GABRG3: variants seen among roughly 807,000 people sequenced by gnomAD.
The protein encoded by GABRG3 is gamma-aminobutyric acid type A receptor subunit gamma3.
In GABRG3, 25 loss-of-function variants were observed where a neutral mutation model predicts 48.8. The ratio of observed to expected loss-of-function variants is 0.51; its 90% confidence interval spans 0.37 to 0.72. The LOEUF is 0.72. GABRG3 is among the 30% of genes least tolerant of loss of function. GABRG3 has a pLI of 0.00. For synonymous variants in GABRG3, 227 were observed against 217.6 expected (o/e 1.04, Z -0.38); for missense variants, 394 against 577.9 (o/e 0.68, Z 3.26).
chr15:27,453,253 T>C (rs1889163392), intron 5 of GABRG3, among the ~76,000 whole-genome samples: 1 of 152,158 alleles, frequency 6.6e-6, no homozygotes, highest in Admixed American at 6.5e-5. Flanking sequence ...ACACCTGGAA[T>C]TTCTAAGAGA....
At chr15:27,517,394 A>C (rs1465380109) in intron 6 of GABRG3, among the ~76,000 whole-genome samples, 1 of 152,250 alleles carries the variant, frequency 6.6e-6, no homozygotes, top group Non-Finnish European at 1.5e-5. Context: ...TGGGAAAGGC[A>C]GAGCCTCAGT....
chr15:27,159,536 A>G (rs965624945), intron 3 of GABRG3, among the ~76,000 whole-genome samples: 2 of 151,336 alleles, frequency 1.3e-5, no homozygotes, highest in African/African-American at 2.4e-5. Flanking sequence ...TTCATTTTCC[A>G]TTCTTTAAGG....
chr15:27,082,931 C>A (rs985180163), intron 3 of GABRG3, among the ~76,000 whole-genome samples: 2 of 152,182 alleles, frequency 1.3e-5, no homozygotes, highest in African/African-American at 2.4e-5. Context: ...CTCCCTGCAT[C>A]TTGGCTTCTA....
At chr15:27,369,721 G>A (rs1426841237) in intron 5 of GABRG3, among the ~76,000 whole-genome samples, 7 of 149,582 alleles carry the variant, frequency 4.7e-5, no homozygotes, top group Non-Finnish European at 1.0e-4. Flanking sequence ...GCAGGAGAAT[G>A]GCGTGAACCC....
At chr15:27,157,842 C>A (rs1898473300) in intron 3 of GABRG3, 1 of 152,202 alleles carries the variant, frequency 6.6e-6, no homozygotes, top group South Asian at 2.1e-4. Context: ...GATAGCAGCT[C>A]CCCAAATGTC....
At chr15:27,088,462 C>T (rs540608000) in intron 3 of GABRG3, among the ~76,000 whole-genome samples, 4 of 152,208 alleles carry the variant, frequency 2.6e-5, no homozygotes, top group East Asian at 1.9e-4. Context: ...GGCTGTGTGC[C>T]GGGCAGGCTG....
chr15:27,329,037 G>A (rs1893716808), intron 5 of GABRG3, 149 bp downstream of exon 5: 2 of 705,394 alleles, frequency 2.8e-6, no homozygotes, highest in African/African-American at 1.8e-5. Context: ...CCACCTGGGT[G>A]TTTTCACTCT....
intron 3 of GABRG3, among the ~76,000 whole-genome samples, chr15:27,061,943 T>C (rs1222832516): frequency 6.6e-6 from 1 of 152,190 alleles, no homozygotes; most frequent in Non-Finnish European, 1.5e-5. Context: ...GAACAGTTCC[T>C]ATGACTAACA....
intron 3 of GABRG3, among the ~76,000 whole-genome samples, chr15:27,153,977 A>G (rs1043163512): frequency 6.6e-6 from 1 of 152,220 alleles, no homozygotes; most frequent in Non-Finnish European, 1.5e-5. Flanking sequence ...AGTAACAGGA[A>G]GTGAGGTAAA....
intron 3 of GABRG3, among the ~76,000 whole-genome samples, chr15:27,267,797 T>G (rs1733614509): frequency 6.6e-6 from 1 of 152,200 alleles, no homozygotes; most frequent in South Asian, 2.1e-4. Context: ...TATGCTTTCC[T>G]TTTTTAGTTT....
At chr15:27,167,877 T>A (rs1053095717) in intron 3 of GABRG3, among the ~76,000 whole-genome samples, 2 of 152,054 alleles carry the variant, frequency 1.3e-5, no homozygotes, top group Admixed American at 6.5e-5. Context: ...ATCAAGGCGA[T>A]CACTGGTACT....
chr15:27,298,301 C>A lies in GABRG3; in HGVS notation c.271-28508C>A, dbSNP rs564868783. 9.2e-5 allele frequency among the ~76,000 whole-genome samples: 14 copies of A among 152,164 alleles called. No individual in the cohort carries two copies. In the South Asian group the frequency reaches 2.9e-3, roughly 32 times the overall value. ...TGTGTAAACCAGAGAGTATCTGAAG[C>A]AGGTCTCAATCAGTTTAGAAGTTTA... On this transcript the variant is annotated intron_variant, in intron 3 of 9. Coordinates refer to ENST00000615808, the MANE Select transcript of GABRG3 (RefSeq NM_033223.5).
chr15:27,233,313 G>A (rs2140448820), intron 3 of GABRG3, among the ~76,000 whole-genome samples: 1 of 152,166 alleles, frequency 6.6e-6, no homozygotes, highest in Admixed American at 6.5e-5. Flanking sequence ...ATAAAAAAGT[G>A]GACAAGGGTG....
chr15:27,044,378 A>T (rs1245004255), intron 3 of GABRG3, among the ~76,000 whole-genome samples: 1 of 149,262 alleles, frequency 6.7e-6, no homozygotes, highest in Non-Finnish European at 1.5e-5. Flanking sequence ...AGGCAAATCG[A>T]AGCTATCAAT....
intron 3 of GABRG3, among the ~76,000 whole-genome samples, chr15:27,027,652 T>C (rs778251508): frequency 2.0e-5 from 3 of 152,188 alleles, no homozygotes; most frequent in Non-Finnish European, 4.4e-5. Flanking sequence ...GATATAAGGG[T>C]TCCATGCAGG....
intron 5 of GABRG3, among the ~76,000 whole-genome samples, chr15:27,468,132 G>C (rs1442751916): frequency 1.3e-5 from 2 of 152,182 alleles, no homozygotes; most frequent in Non-Finnish European, 2.9e-5. Flanking sequence ...ACCCCTGCCG[G>C]TGTCCAGGCT....
chr15:27,470,232 T>G (rs1026070305), intron 5 of GABRG3, among the ~76,000 whole-genome samples: 8 of 152,020 alleles, frequency 5.3e-5, no homozygotes, highest in African/African-American at 1.7e-4. Context: ...TCTTTTTTCT[T>G]TCTTTCTCTC....
intron 5 of GABRG3, among the ~76,000 whole-genome samples, chr15:27,417,275 C>T (rs1279923168): frequency 6.6e-6 from 1 of 152,084 alleles, no homozygotes; most frequent in Non-Finnish European, 1.5e-5. Context: ...AGATTTCTGG[C>T]CCCATCAGGA....
At chr15:27,348,377 G>A (rs1894449471) in intron 5 of GABRG3, among the ~76,000 whole-genome samples, 1 of 152,110 alleles carries the variant, frequency 6.6e-6, no homozygotes, top group Non-Finnish European at 1.5e-5. Context: ...ACAGTATCTA[G>A]CATTTATTGA....
Sources: gnomAD v4.1 joint callset for allele counts (sites outside exome capture counted in the v4.1 genomes callset) on GRCh38, gnomAD v4.1.1 for gene constraint, MANE v1.5 for transcripts, NCBI Gene and HGNC (gene_info 2026-07-23, HGNC 2026-07-21) for gene names.